Variants in GRM5 observed in about 807,000 individuals in gnomAD.
The protein encoded by GRM5 is glutamate metabotropic receptor 5.
GRM5 carries 19 observed loss-of-function variants against 83.1 expected under a neutral mutation model. That is an observed-to-expected ratio of 0.23 (90% CI 0.16 to 0.34). The LOEUF (loss-of-function observed/expected upper bound fraction) is 0.34. Ranked by LOEUF, GRM5 falls within the 10% of genes least tolerant of loss-of-function variation. GRM5 has a pLI of 1.00. For missense variants in GRM5, 1,160 were observed against 1,588.3 expected (o/e 0.73, Z 4.58); for synonymous variants, 675 against 633.6 (o/e 1.07, Z -0.98).
chr11:89,051,400 C>G (rs1032429517), intron 1 of GRM5, among the ~76,000 whole-genome samples: 1 of 151,996 alleles, frequency 6.6e-6, no homozygotes, highest in Non-Finnish European at 1.5e-5. Context: ...CAGGATGTTG[C>G]AGGCTCTTAT....
At chr11:88,540,633 C>T (rs1198298743) in intron 8 of GRM5, among the ~76,000 whole-genome samples, 3 of 152,184 alleles carry the variant, frequency 2.0e-5, no homozygotes, top group Non-Finnish European at 4.4e-5. Context: ...GAATCATCTC[C>T]ACTTCATGAC....
In GRM5 at chr11:88,507,520, G is replaced by T. The variant is rs887369328; in HGVS notation, c.*1072C>A. 3 of 152,100 alleles carry T rather than the reference G, an allele frequency of 2.0e-5. No individual in the cohort carries two copies. The highest frequency in any genetic ancestry group is 7.2e-5 in the African/African-American group (3 of 41,398). The allele number at this position is 152,100 out of a possible 1,614,324, so 9.4% of individuals were successfully genotyped here. On this transcript the variant is annotated 3_prime_UTR_variant, in exon 10 of 10. Coordinates refer to ENST00000305447, the MANE Select transcript of GRM5 (RefSeq NM_001143831.3). ...TCAAATCATGACAATGTCTTCATGG[G>T]GTCTATGGACCACTCTTCCAGTGGT...
At chr11:88,936,077 A>G (rs752228491) in intron 2 of GRM5, among the ~76,000 whole-genome samples, 2 of 151,852 alleles carry the variant, frequency 1.3e-5, no homozygotes, top group South Asian at 2.1e-4. Context: ...GCTGATGATT[A>G]ATGGAGTCAG....
At chr11:88,645,837 T>C (rs1939428177) in intron 4 of GRM5, among the ~76,000 whole-genome samples, 1 of 152,102 alleles carries the variant, frequency 6.6e-6, no homozygotes. Flanking sequence ...AAGTATAAAA[T>C]GGTGTAACAA....
intron 3 of GRM5, among the ~76,000 whole-genome samples, chr11:88,783,785 G>T (rs1430374041): frequency 6.6e-6 from 1 of 151,874 alleles, no homozygotes; most frequent in African/African-American, 2.4e-5. Context: ...AAACATCTTA[G>T]CATTAGTTCT....
rs1941661452 is a variant in GRM5, at chr11:89,047,234, A to G, written c.639T>C (p.Tyr213=). 3 of 1,612,440 alleles carry G rather than the reference A, an allele frequency of 1.9e-6. No individual in the cohort carries two copies. In the East Asian group the frequency reaches 6.7e-5, roughly 36 times the overall value. Residue 213 remains tyrosine, a synonymous_variant, in exon 2 of 10, where the codon TAT becomes TAC. Transcript: ENST00000305447. This position sits in a 1 kb window ranked among gnomAD's most constrained non-coding sequence, Gnocchi z 5.1. The stretch of plus-strand genomic sequence containing the variant: ...TACCTTCTGTGTGCACGGCTGATAC[A>G]TAGGTCCAGTTGTACCTCTTCACTA... The part of the protein sequence containing the change: ...VDIVKRYNWT[Y]VSAVHTEGNY...
chr11:88,614,675 G>A (rs7126211), intron 4 of GRM5, among the ~76,000 whole-genome samples: 79,674 of 152,026 alleles, frequency 0.52, 24,643 homozygotes, highest in South Asian at 0.77. Flanking sequence ...GCATTTGCTT[G>A]GCACTTTTCA....
At chr11:88,934,172 C>G (rs1308734307) in intron 2 of GRM5, among the ~76,000 whole-genome samples, 3 of 151,682 alleles carry the variant, frequency 2.0e-5, no homozygotes, top group Non-Finnish European at 4.4e-5. Context: ...TTACTAGAGG[C>G]CTTCTTCTTG....
intron 2 of GRM5, among the ~76,000 whole-genome samples, chr11:88,909,418 T>G (rs679333): frequency 0.27 from 40,704 of 150,818 alleles, 6,414 homozygotes; most frequent in Non-Finnish European, 0.36. Flanking sequence ...CCAAGGTAAA[T>G]CAATGGCCAG....
At chr11:88,558,799 C>CAAAAAAAA (rs71265014) in intron 8 of GRM5, among the ~76,000 whole-genome samples, 5 of 21,916 alleles carry the variant, frequency 2.3e-4, no homozygotes, top group Non-Finnish European at 2.9e-4. Flanking sequence ...GACTCCATCT[C>CAAAAAAAA]AAAAAAAAAA....
intron 2 of GRM5, among the ~76,000 whole-genome samples, chr11:88,959,316 A>C (rs1938714588): frequency 6.6e-6 from 1 of 151,840 alleles, no homozygotes; most frequent in South Asian, 2.1e-4. Context: ...TATATTCATA[A>C]AAATACCAGT....
chr11:88,674,222 C>A (rs987892658), intron 3 of GRM5, among the ~76,000 whole-genome samples: 2 of 151,848 alleles, frequency 1.3e-5, no homozygotes, highest in Non-Finnish European at 2.9e-5. Context: ...GTAACAAATT[C>A]TCCTAACACT....
intron 3 of GRM5, among the ~76,000 whole-genome samples, chr11:88,794,415 T>C (rs1565233963): frequency 6.6e-6 from 1 of 152,184 alleles, no homozygotes; most frequent in Non-Finnish European, 1.5e-5. Context: ...CTGGCAGATC[T>C]GTGAGAGTGT....
At chr11:88,851,593 C>G (rs1466502636) in intron 2 of GRM5, among the ~76,000 whole-genome samples, 1 of 152,192 alleles carries the variant, frequency 6.6e-6, no homozygotes, top group Non-Finnish European at 1.5e-5. Flanking sequence ...AACTGAAGTT[C>G]AAATACAGAT....
At chr11:88,705,282 C>T (rs6483385) in intron 3 of GRM5, among the ~76,000 whole-genome samples, 148,548 of 152,098 alleles carry the variant, frequency 0.98, 72,653 homozygotes, top group East Asian at 1. Context: ...GACCCTTACT[C>T]AATTGACAAA....
intron 3 of GRM5, among the ~76,000 whole-genome samples, chr11:88,836,700 A>T (rs1170823209): frequency 6.6e-6 from 1 of 152,050 alleles, no homozygotes; most frequent in Non-Finnish European, 1.5e-5. Flanking sequence ...GAGGCTAAGG[A>T]TGGAGAATCG....
intron 2 of GRM5, among the ~76,000 whole-genome samples, chr11:89,001,740 G>T (rs1244443945): frequency 6.6e-6 from 1 of 152,086 alleles, no homozygotes; most frequent in Non-Finnish European, 1.5e-5. Flanking sequence ...TCTCACAATT[G>T]CATGTGAGTC....
At chr11:88,851,154 C>G (rs183843474) in intron 2 of GRM5, among the ~76,000 whole-genome samples, 4 of 152,038 alleles carry the variant, frequency 2.6e-5, no homozygotes, top group Non-Finnish European at 4.4e-5. Context: ...TAATTACATC[C>G]GCATTTCTCT....
At chr11:89,060,876 C>G (rs899295742) in intron 1 of GRM5, among the ~76,000 whole-genome samples, 1 of 152,144 alleles carries the variant, frequency 6.6e-6, no homozygotes, top group African/African-American at 2.4e-5. Context: ...ACATCATGCA[C>G]TAAAAATATT....
Sources: gnomAD v4.1 joint callset for allele counts (sites outside exome capture counted in the v4.1 genomes callset) on GRCh38, gnomAD v4.1.1 for gene constraint, Gnocchi (gnomAD v3.1) non-coding constraint, MANE v1.5 for transcripts, NCBI Gene and HGNC (gene_info 2026-07-23, HGNC 2026-07-21) for gene names.